PAX7: variants seen among roughly 807,000 people sequenced by gnomAD.
The protein encoded by PAX7 is paired box protein Pax-7.
In PAX7, 18 loss-of-function variants were observed where a neutral mutation model predicts 50.7. The ratio of observed to expected loss-of-function variants is 0.36; its 90% confidence interval spans 0.25 to 0.53. The LOEUF (loss-of-function observed/expected upper bound fraction) is 0.53. Among genes scored for constraint, PAX7 ranks in the 20% least tolerant of loss-of-function variants. The pLI, the probability that PAX7 is intolerant of heterozygous loss-of-function variation, is 0.93. For missense variants in PAX7, 644 were observed against 702.9 expected, an observed-to-expected ratio of 0.92 and a Z score of 0.95; for synonymous variants, 310 against 290.4, an observed-to-expected ratio of 1.07 and a Z score of -0.69.
chr1:18,720,859 T>G (rs572165659), intron 7 of PAX7, among the ~76,000 whole-genome samples: 154 of 150,784 alleles, frequency 1.0e-3, no homozygotes, highest in Admixed American at 1.3e-3. Context: ...GGGAGAGAGA[T>G]AAATCAAGAA....
At chr1:18,742,414 C>T (rs1931198806) in intron 8 of PAX7, among the ~76,000 whole-genome samples, 2 of 152,150 alleles carry the variant, frequency 1.3e-5, no homozygotes, top group Admixed American at 1.3e-4. Context: ...CCTTGGCCTC[C>T]CAAAGTGCTG....
At chr1:18,739,525 C>T (rs936155666) in intron 8 of PAX7, among the ~76,000 whole-genome samples, 4 of 152,222 alleles carry the variant, frequency 2.6e-5, no homozygotes, top group Non-Finnish European at 5.9e-5. Context: ...ATGCAGTACA[C>T]GTGGTTATTC....
chr1:18,658,997 GTGCA>G (rs1365800901), intron 4 of PAX7, among the ~76,000 whole-genome samples: 3 of 152,084 alleles, frequency 2.0e-5, no homozygotes, highest in Non-Finnish European at 4.4e-5. Flanking sequence ...TGTGTTGTGT[GTGCA>G]TGCATGTGTA....
rs138557328 is a variant in PAX7 at position 18,673,489 on chromosome 1, A to G, written c.587-18265A>G. 8.4e-3 allele frequency among the ~76,000 whole-genome samples: 1,276 copies of G among 152,290 alleles called. 8 individuals carry two copies. Among genetic ancestry groups the G allele is most frequent in the Non-Finnish European group, 0.014 (980 of 68,028 alleles). On this transcript the variant is annotated intron_variant, in intron 4 of 8. Transcript: ENST00000420770. ...TACCACCCCCTGCTAGTTTAATGTA[A>G]CTAACCTATGGTTGGCCACATTTTT...
chr1:18,713,292 G>A (rs112623301), intron 7 of PAX7, among the ~76,000 whole-genome samples: 1 of 152,082 alleles, frequency 6.6e-6, no homozygotes, highest in African/African-American at 2.4e-5. Flanking sequence ...CTGTTGTCAG[G>A]GACCATGGTC....
At chr1:18,684,829 A>G (rs775992271) in intron 4 of PAX7, among the ~76,000 whole-genome samples, 4 of 151,992 alleles carry the variant, frequency 2.6e-5, no homozygotes. Flanking sequence ...GCGCAGAAGC[A>G]GGGGTGGGAG....
rs1020441528 is a variant in PAX7 at position 18,632,449 on chromosome 1, G to A, written c.85+761G>A. ...AGCGCCCGCCCGGGGAGACCCGATA[G>A]GACGGGCGGCGGCGAACCGGGTCCT... is the stretch of plus-strand genomic sequence containing the variant. On this transcript the variant is annotated intron_variant, in intron 1 of 8. Coordinates refer to ENST00000420770, the MANE Select transcript of PAX7 (RefSeq NM_001135254.2). The surrounding 1 kb of genome is among the most constrained non-coding windows in gnomAD (Gnocchi z 6.3). 2.6e-5 allele frequency among the ~76,000 whole-genome samples: 4 copies of A among 152,172 alleles called. No homozygotes were observed. Among genetic ancestry groups the A allele is most frequent in the Admixed American group, 6.5e-5 (1 of 15,274 alleles).
chr1:18,721,735 G>A (rs114451290), intron 7 of PAX7, among the ~76,000 whole-genome samples: 53 of 152,352 alleles, frequency 3.5e-4, no homozygotes, highest in African/African-American at 1.3e-3. Context: ...CGTCAGTGAT[G>A]CGGGGAGGAG....
chr1:18,730,736 G>A (rs896770656), intron 7 of PAX7, among the ~76,000 whole-genome samples: 3 of 152,096 alleles, frequency 2.0e-5, no homozygotes, highest in Admixed American at 6.5e-5. Flanking sequence ...GGAGCGCGCC[G>A]GCATGTCCCA....
At chr1:18,658,652 T>G (rs9439676) in intron 4 of PAX7, among the ~76,000 whole-genome samples, 99 of 152,310 alleles carry the variant, frequency 6.5e-4, no homozygotes, top group Non-Finnish European at 1.1e-3. Flanking sequence ...AAAGCAAATC[T>G]TAGCCCCAGT....
chr1:18,725,878 G>A (rs2089559451), intron 7 of PAX7, among the ~76,000 whole-genome samples: 1 of 152,204 alleles, frequency 6.6e-6, no homozygotes, highest in Non-Finnish European at 1.5e-5. Flanking sequence ...CCAAGGATCT[G>A]CCCTGGGATG....
At chr1:18,709,269 C>A (rs755614233) in intron 7 of PAX7, among the ~76,000 whole-genome samples, 1 of 152,128 alleles carries the variant, frequency 6.6e-6, no homozygotes, top group Non-Finnish European at 1.5e-5. Flanking sequence ...GTGGAAGGGG[C>A]GTCTGTCTCC....
chr1:18,735,749 C>G lies in PAX7; in HGVS notation c.1273C>G (p.Gln425Glu). 1.9e-6 allele frequency: 3 copies of G among 1,614,068 alleles called. No individual in the cohort carries two copies. Among genetic ancestry groups the G allele is most frequent in the Non-Finnish European group, 1.7e-6 (2 of 1,179,986 alleles). ...SATSISASCS[Q>E]RADSIKPGDS... ...CACCTCCATCTCAGCCAGCTGCAGC[C>G]AGCGGGCCGACTCCATCAAGCCAGG... Residue 425 changes from glutamine to glutamate, a missense_variant, in exon 8 of 9, where the codon CAG becomes GAG. Gln to Glu is a conservative substitution (Grantham distance 29). Coordinates refer to ENST00000420770, the MANE Select transcript of PAX7 (RefSeq NM_001135254.2). This position sits in a 1 kb window ranked among gnomAD's most constrained non-coding sequence, Gnocchi z 4.0.
chr1:18,690,528 C>T (rs2089052143), intron 4 of PAX7, among the ~76,000 whole-genome samples: 1 of 152,144 alleles, frequency 6.6e-6, no homozygotes, highest in African/African-American at 2.4e-5. Context: ...TGTCTCAGCC[C>T]CAACAGCTAA....
At chr1:18,740,104 G>A (rs943924477) in intron 8 of PAX7, among the ~76,000 whole-genome samples, 5 of 152,170 alleles carry the variant, frequency 3.3e-5, no homozygotes, top group African/African-American at 9.7e-5. Flanking sequence ...AGCCACGGGC[G>A]CGAGGCAGAA....
chr1:18,679,092 G>A (rs2088862237), intron 4 of PAX7, among the ~76,000 whole-genome samples: 1 of 152,212 alleles, frequency 6.6e-6, no homozygotes, highest in African/African-American at 2.4e-5. Context: ...ACCAGCAGCG[G>A]TTTGAACGCT....
At chr1:18,703,503 C>A (rs1324932208) in intron 7 of PAX7, among the ~76,000 whole-genome samples, 2 of 152,220 alleles carry the variant, frequency 1.3e-5, no homozygotes, top group African/African-American at 4.8e-5. Context: ...AAGGCAGGAC[C>A]ATGTCCTATT....
chr1:18,669,496 A>G (rs2088712791), intron 4 of PAX7, among the ~76,000 whole-genome samples: 1 of 152,204 alleles, frequency 6.6e-6, no homozygotes, highest in South Asian at 2.1e-4. Context: ...TGTGACCTCT[A>G]GCAAGTCACA....
chr1:18,740,241 G>C (rs1244532627), intron 8 of PAX7, among the ~76,000 whole-genome samples: 1 of 152,230 alleles, frequency 6.6e-6, no homozygotes, highest in Admixed American at 6.5e-5. Context: ...TGTGCAGCCT[G>C]TTGGGTGCCC....
Sources: allele counts gnomAD v4.1 joint callset (sites outside exome capture counted in the v4.1 genomes callset), GRCh38; gene constraint gnomAD v4.1.1; non-coding constraint Gnocchi (gnomAD v3.1); transcripts MANE v1.5; gene names NCBI Gene and HGNC (gene_info 2026-07-23, HGNC 2026-07-21).